TGFBRAP1: variants seen among roughly 807,000 people sequenced by gnomAD.
The protein encoded by TGFBRAP1 is transforming growth factor beta receptor associated protein 1.
TGFBRAP1 carries 20 observed loss-of-function variants against 83.2 expected under a neutral mutation model. The ratio of observed to expected loss-of-function variants is 0.24; its 90% confidence interval spans 0.17 to 0.35. The LOEUF is 0.35. Among genes scored for constraint, TGFBRAP1 ranks in the 10% least tolerant of loss-of-function variants. The probability of loss-of-function intolerance (pLI) is 1.00; values close to 1 mark genes in which losing one functional copy is unlikely to be tolerated. For missense variants in TGFBRAP1, 950 were observed against 1,099.4 expected, an observed-to-expected ratio of 0.86 and a Z score of 1.92; for synonymous variants, 415 against 459.8, an observed-to-expected ratio of 0.90 and a Z score of 1.25.
intron 3 of TGFBRAP1, 47 bp from the exon 4 acceptor site, chr2:105,296,557 T>C: frequency 6.3e-7 from 1 of 1,576,006 alleles, no homozygotes; most frequent in Non-Finnish European, 8.6e-7. Flanking sequence ...ACACACTGCC[T>C]GCAAAAAAAC....
intron 2 of TGFBRAP1, among the ~76,000 whole-genome samples, chr2:105,304,870 C>T (rs1678442845): frequency 6.6e-6 from 1 of 152,112 alleles, no homozygotes; most frequent in Admixed American, 6.5e-5. Flanking sequence ...CTAGATCACA[C>T]TCTGGAAAAG....
chr2:105,322,338 GAA>G (rs1446633944), intron 1 of TGFBRAP1, among the ~76,000 whole-genome samples: 1 of 152,152 alleles, frequency 6.6e-6, no homozygotes, highest in African/African-American at 2.4e-5. Context: ...ATTTATTACT[GAA>G]GAGAAGTATT....
intron 1 of TGFBRAP1, 87 bp downstream of exon 1, chr2:105,329,538 C>T (rs1358512794): frequency 7.0e-6 from 1 of 143,506 alleles, no homozygotes; most frequent in Non-Finnish European, 1.5e-5. Context: ...CCGCCGCCTA[C>T]CCCCCACTCC....
chr2:105,298,066 C>T (rs1015984810), intron 3 of TGFBRAP1, among the ~76,000 whole-genome samples: 29 of 152,172 alleles, frequency 1.9e-4, no homozygotes, highest in African/African-American at 6.5e-4. Flanking sequence ...CCTTCAAACA[C>T]ACCATGCACT....
chr2:105,325,793 C>G (rs35571668), intron 1 of TGFBRAP1, among the ~76,000 whole-genome samples: 25,971 of 152,124 alleles, frequency 0.17, 2,768 homozygotes, highest in Middle Eastern at 0.23. Context: ...CCATGCTGGT[C>G]CCGTGTTCTT....
intron 4 of TGFBRAP1, among the ~76,000 whole-genome samples, chr2:105,292,285 A>T (rs1218366460): frequency 6.6e-6 from 1 of 152,234 alleles, no homozygotes; most frequent in Non-Finnish European, 1.5e-5. Flanking sequence ...AAAATAGGGA[A>T]GAATGAGAGA....
At chr2:105,256,181 G>T in the TGFBRAP1 span, among the ~76,000 whole-genome samples, 2 of 152,234 alleles carry the variant, frequency 1.3e-5, no homozygotes, top group Non-Finnish European at 1.5e-5. Context: ...AATGTTGGCA[G>T]TGGCTCTCTT....
At chr2:105,263,078 C>T (rs1023236627), downstream of TGFBRAP1, among the ~76,000 whole-genome samples, 2 of 152,170 alleles carry the variant, frequency 1.3e-5, no homozygotes, top group African/African-American at 4.8e-5. Flanking sequence ...CACTGACAGA[C>T]ACATTTAGGA....
chr2:105,249,999 C>T, the TGFBRAP1 span, among the ~76,000 whole-genome samples: 1 of 152,122 alleles, frequency 6.6e-6, no homozygotes, highest in Admixed American at 6.5e-5. Context: ...GGGCTGGTGT[C>T]CAAGGTTACT....
In TGFBRAP1 at chr2:105,296,414, T is replaced by A. The variant is rs1678090258; in HGVS notation, c.980A>T (p.Glu327Val). The stretch of plus-strand genomic sequence containing the variant: ...TCCTTTTGCTAAAACCAAAGCCTCT[T>A]CTACTCTGCGGCTTGCTAGAAGATC... ...IQDLLASRRV[E>V]EALVLAKGAR... Residue 327 changes from glutamate (E) to valine (V), a missense_variant, in exon 4 of 12, where the codon GAA becomes GTA. Coordinates refer to ENST00000393359, the MANE Select transcript of TGFBRAP1 (RefSeq NM_004257.6). 6.2e-7 allele frequency: 1 copy of A among 1,614,052 alleles called. No homozygotes were observed. The highest frequency in any genetic ancestry group is 1.3e-5 in the African/African-American group (1 of 74,932).
At position 105,277,808 on chromosome 2, in the gene TGFBRAP1, C is replaced by A. The variant is rs1227354571; in HGVS notation, c.1464-137G>T. On this transcript the variant is annotated intron_variant, in intron 6 of 11. Transcript: ENST00000393359. ...CAGGCTCATGCCTGTAATCCCAACA[C>A]TTTGGAAGGCCAAGGTGGGTGGATG... 5 of 845,946 alleles carry A rather than the reference C, an allele frequency of 5.9e-6. No homozygotes were observed. The East Asian group carries it at 1.2e-4, about 21-fold the overall frequency. The allele number at this position is 845,946 out of a possible 1,614,324, so 52.4% of individuals were successfully genotyped here. A position where few individuals can be genotyped will look rare whatever the true frequency, so the allele number is the denominator to read the frequency against.
intron 1 of TGFBRAP1, among the ~76,000 whole-genome samples, chr2:105,316,462 T>TGCGCGC (rs764527678): frequency 1.2e-3 from 98 of 84,788 alleles, no homozygotes; most frequent in African/African-American, 2.3e-3. Context: ...TGTGTGTGTG[T>TGCGCGC]GCGCGCGCGC....
chr2:105,269,393 G>A lies in TGFBRAP1; in HGVS notation c.2285C>T (p.Ser762Leu). 6.2e-7 allele frequency: 1 copy of A among 1,613,990 alleles called. No homozygotes were observed. Among genetic ancestry groups the A allele is most frequent in the East Asian group, 2.2e-5 (1 of 44,872 alleles). ...CAGGAATGGGCAGAGGAGCTGCACT[G>A]ACCAGGTGTCAGGCAGCATCTGCAG... ...QVLQMLPDTW[S>L]VQLLCPFLMG... Residue 762 changes from serine (S) to leucine (L), a missense_variant, in exon 11 of 12, where the codon TCA (serine) becomes TTA (leucine). Ser to Leu is a moderately radical substitution (Grantham distance 145). Coordinates refer to ENST00000393359, the MANE Select transcript of TGFBRAP1 (RefSeq NM_004257.6). This position sits in a 1 kb window ranked among gnomAD's most constrained non-coding sequence, Gnocchi z 4.1.
At chr2:105,302,385 G>A (rs1253255119) in intron 2 of TGFBRAP1, among the ~76,000 whole-genome samples, 1 of 151,930 alleles carries the variant, frequency 6.6e-6, no homozygotes, top group Non-Finnish European at 1.5e-5. Flanking sequence ...ACAAATATAA[G>A]TCCCCAGGAA....
intron 1 of TGFBRAP1, among the ~76,000 whole-genome samples, chr2:105,327,700 TC>T (rs1679263113): frequency 6.6e-6 from 1 of 152,164 alleles, no homozygotes; most frequent in Non-Finnish European, 1.5e-5. Flanking sequence ...CCTTTACAAA[TC>T]CCTGTCTCTG....
intron 2 of TGFBRAP1, among the ~76,000 whole-genome samples, chr2:105,302,451 G>A (rs1282978305): frequency 1.3e-5 from 2 of 152,044 alleles, no homozygotes; most frequent in African/African-American, 2.4e-5. Flanking sequence ...ACGCATTATG[G>A]TACCTCCACA....
Position 105,272,766 on chromosome 2 carries a change from C to T in TGFBRAP1, c.1972+89G>A, listed in dbSNP as rs185658453. ...AGAATCACCCTGTGCAATCAACCAG[C>T]AGCTGTGCCAAAGCCCTTCTCTCTG... On this transcript the variant is annotated intron_variant, in intron 10 of 11. Transcript: ENST00000393359. 2.9e-4 allele frequency: 433 copies of T among 1,518,462 alleles called. 1 individual carries two copies. In the African/African-American group the frequency reaches 5.5e-3, roughly 19 times the overall value. 94.1% of individuals were successfully genotyped at this position (1,518,462 alleles called of 1,614,324 possible). A position where few individuals can be genotyped will look rare whatever the true frequency, so the allele number is the denominator to read the frequency against.
chr2:105,255,851 A>C, the TGFBRAP1 span, among the ~76,000 whole-genome samples: 1 of 152,040 alleles, frequency 6.6e-6, no homozygotes, highest in East Asian at 1.9e-4. Flanking sequence ...AACCACGGGA[A>C]GGCTCCTGAC....
chr2:105,293,123 T>C (rs1677969873), intron 4 of TGFBRAP1, among the ~76,000 whole-genome samples: 1 of 152,166 alleles, frequency 6.6e-6, no homozygotes, highest in Admixed American at 6.5e-5. Flanking sequence ...TGCGGTTACA[T>C]TTCAAAGGGG....
Sources: allele counts gnomAD v4.1 joint callset (sites outside exome capture counted in the v4.1 genomes callset), GRCh38; gene constraint gnomAD v4.1.1; non-coding constraint Gnocchi (gnomAD v3.1); transcripts MANE v1.5; gene names NCBI Gene and HGNC (gene_info 2026-07-23, HGNC 2026-07-21).